The following SHISA9 variants were observed in gnomAD, a reference collection of about 807,000 sequenced individuals.
The protein encoded by SHISA9 is shisa family member 9, also known as protein shisa-9.
Under a neutral mutation model 38.0 loss-of-function variants are expected in SHISA9, and 13 were observed. That is an observed-to-expected ratio of 0.34 (90% CI 0.22 to 0.54). The LOEUF (loss-of-function observed/expected upper bound fraction) is 0.54, where lower values mean the gene tolerates loss of function less well. Ranked by LOEUF, SHISA9 falls within the 20% of genes least tolerant of loss-of-function variation. The probability of loss-of-function intolerance (pLI) is 0.91; values close to 1 mark genes in which losing one functional copy is unlikely to be tolerated. For missense variants in SHISA9, 538 were observed against 575.8 expected (o/e 0.93, Z 0.67); for synonymous variants, 275 against 242.0 (o/e 1.14, Z -1.27).
chr16:13,244,786 A>G (rs563314056), downstream of SHISA9, among the ~76,000 whole-genome samples: 130 of 152,348 alleles, frequency 8.5e-4, no homozygotes, highest in African/African-American at 3.0e-3. Context: ...TGAGGTTTCA[A>G]AGTATTGATG....
chr16:13,176,102 G>T (rs746842749), intron 2 of SHISA9, among the ~76,000 whole-genome samples: 1 of 151,588 alleles, frequency 6.6e-6, no homozygotes, highest in Non-Finnish European at 1.5e-5. Context: ...TAATTTCCGT[G>T]TTTTTTTAAT....
At chr16:13,211,161 G>A (rs2051115446) in intron 3 of SHISA9, among the ~76,000 whole-genome samples, 2 of 152,072 alleles carry the variant, frequency 1.3e-5, no homozygotes, top group Admixed American at 1.3e-4. Flanking sequence ...GCCAGGTGTG[G>A]TGCTGCTCGC....
chr16:13,208,746 T>C (rs1259105580), intron 3 of SHISA9, among the ~76,000 whole-genome samples: 1 of 152,248 alleles, frequency 6.6e-6, no homozygotes, highest in Non-Finnish European at 1.5e-5. Context: ...CAGTTGTTCA[T>C]TCATTCTCCA....
intron 2 of SHISA9, among the ~76,000 whole-genome samples, chr16:12,929,228 T>C (rs2071432396): frequency 6.6e-6 from 1 of 152,178 alleles, no homozygotes; most frequent in African/African-American, 2.4e-5. Flanking sequence ...GGAGACAGTG[T>C]GGTGAGTCCT....
intron 2 of SHISA9, among the ~76,000 whole-genome samples, chr16:13,089,178 T>C (rs571504824): frequency 1.3e-5 from 2 of 152,368 alleles, no homozygotes; most frequent in South Asian, 4.1e-4. Flanking sequence ...ATAAGCTTTT[T>C]GATGTGCTGC....
chr16:13,391,909 A>G, the SHISA9 span, among the ~76,000 whole-genome samples: 2 of 152,188 alleles, frequency 1.3e-5, no homozygotes, highest in East Asian at 3.8e-4. Context: ...TGCAGATTTA[A>G]TCAAATGATA....
At chr16:13,070,733 G>C (rs1010123356) in intron 2 of SHISA9, among the ~76,000 whole-genome samples, 2 of 152,204 alleles carry the variant, frequency 1.3e-5, no homozygotes, top group African/African-American at 4.8e-5. Flanking sequence ...TGCAGTTGGT[G>C]TTATCTTTCT....
intron 2 of SHISA9, among the ~76,000 whole-genome samples, chr16:13,196,111 A>AAC (rs2050937323): frequency 7.1e-6 from 1 of 140,400 alleles, no homozygotes; most frequent in East Asian, 2.1e-4. Context: ...AAAAAAAAAA[A>AAC]AAAAGGCCAG....
At chr16:13,362,413 G>C in the SHISA9 span, among the ~76,000 whole-genome samples, 2 of 152,042 alleles carry the variant, frequency 1.3e-5, no homozygotes, top group Admixed American at 6.6e-5. Flanking sequence ...GGGCAACAGA[G>C]GGAGACCCTG....
intron 2 of SHISA9, among the ~76,000 whole-genome samples, chr16:13,041,958 G>C (rs1053699031): frequency 6.6e-6 from 1 of 152,200 alleles, no homozygotes; most frequent in African/African-American, 2.4e-5. Flanking sequence ...TCTCCCTCTT[G>C]CCTAATACCC....
intron 2 of SHISA9, among the ~76,000 whole-genome samples, chr16:13,043,659 T>G (rs2073156941): frequency 6.6e-6 from 1 of 152,218 alleles, no homozygotes; most frequent in Admixed American, 6.5e-5. Flanking sequence ...CCTGATATCC[T>G]CAGAGCTGCA....
intron 2 of SHISA9, among the ~76,000 whole-genome samples, chr16:13,170,202 C>CAAAAAAAAA (rs71147788): frequency 2.2e-5 from 2 of 91,992 alleles, no homozygotes; most frequent in Non-Finnish European, 4.3e-5. Flanking sequence ...GACTCCATCT[C>CAAAAAAAAA]AAAAAAAAAA....
intron 2 of SHISA9, among the ~76,000 whole-genome samples, chr16:13,027,927 C>CAAA (rs201210384): frequency 0.033 from 961 of 29,142 alleles, 121 homozygotes; most frequent in Non-Finnish European, 0.05. Flanking sequence ...AGCTCTGTCT[C>CAAA]AAAAACAAAA....
chr16:13,481,705 A>G, the SHISA9 span, among the ~76,000 whole-genome samples: 732 of 152,336 alleles, frequency 4.8e-3, 3 homozygotes, highest in African/African-American at 0.017. Context: ...TGAATGAATG[A>G]GTGAATGCCT....
the SHISA9 span, among the ~76,000 whole-genome samples, chr16:13,399,591 A>G: frequency 5.9e-5 from 9 of 152,036 alleles, no homozygotes; most frequent in Non-Finnish European, 1.2e-4. Context: ...TCCTGGCACT[A>G]TTGCTTTCTG....
chr16:13,480,238 T>G, the SHISA9 span, among the ~76,000 whole-genome samples: 1 of 152,106 alleles, frequency 6.6e-6, no homozygotes, highest in Admixed American at 6.6e-5. Context: ...GGGTTTTTAT[T>G]CTCTCTTTTC....
chr16:13,469,322 GAAAGAAAGAAAGAA>G, the SHISA9 span, among the ~76,000 whole-genome samples: 13 of 72,030 alleles, frequency 1.8e-4, no homozygotes, highest in Non-Finnish European at 2.7e-4. Context: ...GAGAGAGAGA[GAAAGAAAGAAAGAA>G]AGAAAGAAAG....
chr16:12,905,726 G>T (rs992745572), intron 1 of SHISA9, among the ~76,000 whole-genome samples: 1 of 151,852 alleles, frequency 6.6e-6, no homozygotes, highest in Admixed American at 6.6e-5. Flanking sequence ...TGACTGGCTG[G>T]GACTACAGGC....
the SHISA9 span, among the ~76,000 whole-genome samples, chr16:13,372,887 C>T: frequency 1.3e-5 from 2 of 150,510 alleles, no homozygotes; most frequent in South Asian, 4.3e-4. Flanking sequence ...TATTAATTGA[C>T]CCTTTCATAT....
Sources: gnomAD v4.1 joint callset for allele counts (sites outside exome capture counted in the v4.1 genomes callset) on GRCh38, gnomAD v4.1.1 for gene constraint, MANE v1.5 for transcripts, NCBI Gene and HGNC (gene_info 2026-07-23, HGNC 2026-07-21) for gene names.